The following NUDCD3 variants were observed in gnomAD, a reference collection of about 807,000 sequenced individuals.
NUDCD3 encodes the protein NudC domain containing 3.
In NUDCD3, 13 loss-of-function variants were observed where a neutral mutation model predicts 39.7. The observed-to-expected ratio is 0.33, with a 90% confidence interval of 0.21 to 0.52. The LOEUF (loss-of-function observed/expected upper bound fraction) is 0.52. NUDCD3 is among the 20% of genes least tolerant of loss of function. The pLI is 0.96. For missense variants in NUDCD3, 453 were observed against 458.1 expected (o/e 0.99, Z 0.10); for synonymous variants, 175 against 172.4 (o/e 1.02, Z -0.12).
At chr7:44,407,617 A>C (rs577720904) in intron 3 of NUDCD3, among the ~76,000 whole-genome samples, 4 of 151,950 alleles carry the variant, frequency 2.6e-5, no homozygotes, top group African/African-American at 9.6e-5. Flanking sequence ...TCTTGTGAGA[A>C]AAAACAGGCA....
At chr7:44,411,791 G>C (rs1176435910) in intron 3 of NUDCD3, among the ~76,000 whole-genome samples, 1 of 152,170 alleles carries the variant, frequency 6.6e-6, no homozygotes, top group Non-Finnish European at 1.5e-5. Context: ...CCACCCATAG[G>C]TATATACCCT....
At chr7:44,463,910 G>C (rs1051840820) in intron 2 of NUDCD3, among the ~76,000 whole-genome samples, 4 of 152,058 alleles carry the variant, frequency 2.6e-5, no homozygotes, top group African/African-American at 7.2e-5. Flanking sequence ...AGCAGTATGA[G>C]GGACCAAAAG....
In NUDCD3 at chr7:44,470,037, G is replaced by A. The variant is rs145629137; in HGVS notation, c.509+14931C>T. On this transcript the variant is annotated intron_variant, in intron 2 of 5. Coordinates refer to ENST00000355451, the MANE Select transcript of NUDCD3 (RefSeq NM_015332.4). ...GAATTTAAACAAGGTCTACAGATGA[G>A]CTAATGGTAATCCCTCATTATAAAA... is the stretch of plus-strand genomic sequence containing the variant. 3.3e-5 allele frequency among the ~76,000 whole-genome samples: 5 copies of A among 152,314 alleles called. No individual in the cohort carries two copies. In the East Asian group the frequency reaches 7.7e-4, roughly 23 times the overall value.
intron 5 of NUDCD3, 29 bp from the exon 6 acceptor site, chr7:44,386,150 G>A (rs1798398024): frequency 1.2e-6 from 2 of 1,612,824 alleles, no homozygotes; most frequent in African/African-American, 1.3e-5. Flanking sequence ...GAGATTAAAG[G>A]GGATCACAAC....
intron 2 of NUDCD3, among the ~76,000 whole-genome samples, chr7:44,464,571 A>G (rs2116954281): frequency 6.6e-6 from 1 of 152,060 alleles, no homozygotes; most frequent in African/African-American, 2.4e-5. Context: ...CTCCCACCTC[A>G]GCCTCCTGAG....
chr7:44,444,763 T>C (rs1426775485), intron 2 of NUDCD3, among the ~76,000 whole-genome samples: 1 of 152,000 alleles, frequency 6.6e-6, no homozygotes, highest in African/African-American at 2.4e-5. Context: ...TCTTACCCAC[T>C]GATACCTTGC....
At chr7:44,418,637 G>T (rs1799075125) in intron 3 of NUDCD3, among the ~76,000 whole-genome samples, 1 of 152,232 alleles carries the variant, frequency 6.6e-6, no homozygotes. Context: ...GATCTGGCAA[G>T]ACAGCTGAAT....
chr7:44,443,836 C>G (rs1189961322), intron 2 of NUDCD3, among the ~76,000 whole-genome samples: 3 of 152,188 alleles, frequency 2.0e-5, no homozygotes, highest in Admixed American at 6.5e-5. Flanking sequence ...TCAGCTCAAG[C>G]CCCATCTTCA....
intron 2 of NUDCD3, chr7:44,471,629 T>C (rs1025111044): frequency 5.9e-5 from 9 of 152,174 alleles, no homozygotes; most frequent in African/African-American, 2.2e-4. Flanking sequence ...TGTAAACACA[T>C]AGAAGTGTTT....
chr7:44,424,606 T>C (rs1799199865), intron 3 of NUDCD3, among the ~76,000 whole-genome samples: 1 of 152,234 alleles, frequency 6.6e-6, no homozygotes, highest in African/African-American at 2.4e-5. Context: ...TCATGCCAGT[T>C]AGAATGGCGA....
intron 2 of NUDCD3, among the ~76,000 whole-genome samples, chr7:44,461,790 G>T (rs17132194): frequency 0.052 from 7,906 of 152,196 alleles, 323 homozygotes; most frequent in African/African-American, 0.11. Flanking sequence ...TTTCTCAAAT[G>T]CCAGAAATGC....
chr7:44,444,226 G>A (rs1009643188), intron 2 of NUDCD3, among the ~76,000 whole-genome samples: 2 of 152,136 alleles, frequency 1.3e-5, no homozygotes, highest in African/African-American at 4.8e-5. Context: ...ACAGATGATA[G>A]GATAGGAGGC....
intron 5 of NUDCD3, among the ~76,000 whole-genome samples, chr7:44,389,358 G>A (rs1798465938): frequency 6.6e-6 from 1 of 152,198 alleles, no homozygotes; most frequent in Admixed American, 6.5e-5. Context: ...CTGGTCCTGG[G>A]CAGTGGGCTT....
At position 44,400,953 on chromosome 7, in the gene NUDCD3, C is replaced by G. The variant is rs533294193; in HGVS notation, c.786+3487G>C. Among the ~76,000 whole-genome samples, 186 of 152,340 alleles carry G rather than the reference C, an allele frequency of 1.2e-3. 3 individuals are homozygous for G. Among genetic ancestry groups the G allele is most frequent in the African/African-American group, 4.2e-3 (173 of 41,566 alleles). On this transcript the variant is annotated intron_variant, in intron 4 of 5. Coordinates refer to ENST00000355451, the MANE Select transcript of NUDCD3 (RefSeq NM_015332.4). ...ATCTCCAACCCTTTAGAGCAAAGCC[C>G]TCAACTCACTTTCTTTAGCCATTCC...
intron 4 of NUDCD3, among the ~76,000 whole-genome samples, chr7:44,396,087 T>TTGTGTGTGTGTG (rs10585173): frequency 1.1e-3 from 165 of 145,012 alleles, no homozygotes; most frequent in African/African-American, 4.0e-3. Flanking sequence ...TTATCTTCTG[T>TTGTGTGTGTGTG]TGTGTGTGTG....
At chr7:44,470,794 T>C (rs1179558369) in intron 2 of NUDCD3, among the ~76,000 whole-genome samples, 1 of 152,252 alleles carries the variant, frequency 6.6e-6, no homozygotes, top group Non-Finnish European at 1.5e-5. Context: ...AACTTTTAAC[T>C]ATTTTTATTT....
chr7:44,459,264 T>C (rs1585093361), intron 2 of NUDCD3, among the ~76,000 whole-genome samples: 1 of 151,754 alleles, frequency 6.6e-6, no homozygotes, highest in African/African-American at 2.4e-5. Flanking sequence ...AGTGGCACGA[T>C]CATGGCCCAC....
At chr7:44,388,912 C>T (rs1199324349) in intron 5 of NUDCD3, among the ~76,000 whole-genome samples, 1 of 152,370 alleles carries the variant, frequency 6.6e-6, no homozygotes, top group East Asian at 1.9e-4. Flanking sequence ...GAGCTCTTTC[C>T]ACTGGACCAC....
intron 1 of NUDCD3, among the ~76,000 whole-genome samples, chr7:44,489,440 G>A (rs929960315): frequency 1.3e-5 from 2 of 152,322 alleles, no homozygotes; most frequent in East Asian, 3.9e-4. Context: ...TTACCAACCT[G>A]CAGCATGCAT....
Sources: allele counts gnomAD v4.1 joint callset (sites outside exome capture counted in the v4.1 genomes callset), GRCh38; gene constraint gnomAD v4.1.1; transcripts MANE v1.5; gene names NCBI Gene and HGNC (gene_info 2026-07-23, HGNC 2026-07-21).